Variants in CSMD1 observed in about 807,000 individuals in gnomAD.
The protein encoded by CSMD1 is CUB and Sushi multiple domains 1, also known as CUB and sushi domain-containing protein 1.
A neutral mutation model predicts 417.5 loss-of-function variants in CSMD1; 213 were observed. The ratio of observed to expected loss-of-function variants is 0.51; its 90% CI spans 0.46 to 0.57. The LOEUF is 0.57. Ranked by LOEUF, CSMD1 falls within the 20% of genes least tolerant of loss-of-function variation. The pLI is 0.00. For synonymous variants in CSMD1, 2,862 were observed against 1,736.8 expected (o/e 1.65, Z -16.11); for missense variants, 6,923 against 4,529.7 (o/e 1.53, Z -15.17).
chr8:3,001,340 C>G lies in CSMD1; in HGVS notation c.8030-1209G>C, dbSNP rs1427097293. Among the ~76,000 whole-genome samples the G allele has an allele frequency of 2.0e-5, 3 of 152,084 alleles. No homozygotes were observed. In the East Asian group the frequency reaches 5.8e-4, roughly 29 times the overall value. On this transcript the variant is annotated intron_variant, in intron 52 of 69. Transcript: ENST00000635120. ...CCCTCTTCTGCCTCTTTACTGCTCT[C>G]ACTTTTCCTTCTTTCCTTTCCTCCA...
chr8:4,894,192 T>C (rs1804320950), intron 1 of CSMD1, among the ~76,000 whole-genome samples: 1 of 152,138 alleles, frequency 6.6e-6, no homozygotes, highest in Non-Finnish European at 1.5e-5. Flanking sequence ...TCTATATGTC[T>C]TATCAGATAT....
At chr8:3,780,741 A>G (rs918103228) in intron 5 of CSMD1, among the ~76,000 whole-genome samples, 1 of 152,186 alleles carries the variant, frequency 6.6e-6, no homozygotes, top group African/African-American at 2.4e-5. Flanking sequence ...CATAAAGCCC[A>G]TTTAATCTCT....
intron 3 of CSMD1, among the ~76,000 whole-genome samples, chr8:4,293,943 A>G (rs1445147855): frequency 6.6e-6 from 1 of 151,870 alleles, no homozygotes; most frequent in East Asian, 1.9e-4. Context: ...ACACTTTTAA[A>G]CACTTTCTAC....
intron 12 of CSMD1, among the ~76,000 whole-genome samples, chr8:3,413,422 A>T (rs1812939082): frequency 6.6e-6 from 1 of 152,184 alleles, no homozygotes; most frequent in Non-Finnish European, 1.5e-5. Flanking sequence ...GTTTATCCTG[A>T]TGCATGGCTA....
intron 10 of CSMD1, among the ~76,000 whole-genome samples, chr8:3,509,997 T>C (rs116259023): frequency 3.9e-4 from 60 of 152,258 alleles, no homozygotes; most frequent in African/African-American, 1.4e-3. Context: ...CAAATGCATC[T>C]CTCCAATTGA....
chr8:4,344,499 A>G (rs959613661), intron 3 of CSMD1, among the ~76,000 whole-genome samples: 2 of 151,448 alleles, frequency 1.3e-5, no homozygotes, highest in Non-Finnish European at 2.9e-5. Context: ...CTATTTTTTC[A>G]TTTTCATAAA....
At chr8:4,079,589 T>C (rs117068000) in intron 3 of CSMD1, among the ~76,000 whole-genome samples, 47 of 152,316 alleles carry the variant, frequency 3.1e-4, no homozygotes, top group Non-Finnish European at 6.2e-4. Flanking sequence ...AAACACTTTA[T>C]TAGGGAAAGC....
chr8:3,384,498 G>A (rs572602755), intron 18 of CSMD1, among the ~76,000 whole-genome samples: 15 of 150,712 alleles, frequency 1.0e-4, no homozygotes, highest in African/African-American at 2.4e-4. Flanking sequence ...CACATTGTTC[G>A]GTTTATCATT....
chr8:3,414,212 CAAAAAAAAAAA>C (rs1161625328), intron 12 of CSMD1, among the ~76,000 whole-genome samples: 9 of 49,738 alleles, frequency 1.8e-4, no homozygotes, highest in African/African-American at 4.6e-4. Flanking sequence ...GCACCTAAAG[CAAAAAAAAAAA>C]AAAAAAAAAA....
At chr8:4,709,966 C>A (rs1418522700) in intron 1 of CSMD1, among the ~76,000 whole-genome samples, 10 of 151,944 alleles carry the variant, frequency 6.6e-5, no homozygotes, top group East Asian at 3.9e-4. Flanking sequence ...AATATCAGGT[C>A]GATTTAGAAA....
intron 3 of CSMD1, among the ~76,000 whole-genome samples, chr8:4,195,768 G>A (rs1011127579): frequency 6.6e-6 from 1 of 152,102 alleles, no homozygotes; most frequent in Non-Finnish European, 1.5e-5. Context: ...AGGAGGTAGT[G>A]GATTCTGCAC....
At chr8:2,969,952 G>A (rs12682210) in intron 57 of CSMD1, among the ~76,000 whole-genome samples, 12,440 of 152,148 alleles carry the variant, frequency 0.082, 630 homozygotes, top group East Asian at 0.12. Flanking sequence ...TCAATTTTGT[G>A]AGGCATGATA....
At chr8:4,955,004 T>C (rs1741104340) in intron 1 of CSMD1, among the ~76,000 whole-genome samples, 1 of 152,198 alleles carries the variant, frequency 6.6e-6, no homozygotes, top group Admixed American at 6.5e-5. Flanking sequence ...TCAATGTTCT[T>C]TCTTAGACGA....
chr8:3,813,269 T>C (rs1801185624), intron 5 of CSMD1, among the ~76,000 whole-genome samples: 2 of 152,112 alleles, frequency 1.3e-5, no homozygotes, highest in Non-Finnish European at 2.9e-5. Context: ...CAAATTGCTA[T>C]CCATGCAAAT....
At chr8:3,548,184 G>C (rs997402048) in intron 10 of CSMD1, among the ~76,000 whole-genome samples, 10 of 152,096 alleles carry the variant, frequency 6.6e-5, no homozygotes, top group Non-Finnish European at 1.3e-4. Context: ...CTGCAACCTA[G>C]GATTCCTTTG....
chr8:3,064,378 C>G (rs1483110559), intron 49 of CSMD1, among the ~76,000 whole-genome samples: 2 of 152,114 alleles, frequency 1.3e-5, no homozygotes, highest in Non-Finnish European at 2.9e-5. Context: ...GCCCCTAGCT[C>G]TCTCCCTCCT....
chr8:3,686,535 A>T (rs886977077), intron 7 of CSMD1, among the ~76,000 whole-genome samples: 3 of 152,186 alleles, frequency 2.0e-5, no homozygotes, highest in African/African-American at 7.2e-5. Flanking sequence ...TGTTCATTGA[A>T]AGCAGGAGAT....
intron 5 of CSMD1, among the ~76,000 whole-genome samples, chr8:3,812,922 C>T (rs950830876): frequency 2.6e-5 from 4 of 152,060 alleles, no homozygotes; most frequent in African/African-American, 9.7e-5. Context: ...GTGTTTTGTC[C>T]TCTTTGATAA....
intron 6 of CSMD1, among the ~76,000 whole-genome samples, chr8:3,728,606 G>A (rs953363963): frequency 1.3e-5 from 2 of 152,154 alleles, no homozygotes; most frequent in Non-Finnish European, 2.9e-5. Flanking sequence ...CAAAGAAAAA[G>A]GGCATCTGTG....
Sources: allele counts gnomAD v4.1 joint callset (sites outside exome capture counted in the v4.1 genomes callset), GRCh38; gene constraint gnomAD v4.1.1; transcripts MANE v1.5; gene names NCBI Gene and HGNC (gene_info 2026-07-23, HGNC 2026-07-21).